The following CLYBL variants were observed in gnomAD, a reference collection of about 807,000 sequenced individuals.
CLYBL encodes citramalyl-CoA lyase, mitochondrial.
Under a neutral mutation model 38.9 loss-of-function variants are expected in CLYBL, and 31 were observed. That is an observed-to-expected ratio of 0.80 (90% CI 0.60 to 1.08). CLYBL has a LOEUF of 1.08. Ranked by LOEUF, CLYBL falls within the 50% of genes least tolerant of loss-of-function variation. The probability of loss-of-function intolerance (pLI) is 0.00; values close to 1 mark genes in which losing one functional copy is unlikely to be tolerated. For synonymous variants in CLYBL, 171 were observed against 158.6 expected (o/e 1.08, Z -0.59); for missense variants, 434 against 411.6 (o/e 1.05, Z -0.47).
chr13:99,864,705 T>C, intron 4 of CLYBL, 113 bp from the exon 5 acceptor site: 1 of 728,674 alleles, frequency 1.4e-6, no homozygotes, highest in East Asian at 2.5e-5. Context: ...TTAGGACTGC[T>C]TTCAGCCAAA....
At chr13:99,838,703 T>C (rs1170377980) in intron 2 of CLYBL, among the ~76,000 whole-genome samples, 1 of 152,226 alleles carries the variant, frequency 6.6e-6, no homozygotes, top group Admixed American at 6.5e-5. Context: ...TGGCGCAATC[T>C]TGGCTCACTG....
chr13:99,881,199 G>A (rs2052199285), intron 7 of CLYBL, among the ~76,000 whole-genome samples: 2 of 152,216 alleles, frequency 1.3e-5, no homozygotes, highest in South Asian at 4.1e-4. Context: ...ATGTGAATTG[G>A]TGTCTGTGTT....
intron 2 of CLYBL, among the ~76,000 whole-genome samples, chr13:99,844,521 C>T (rs570360452): frequency 1.3e-5 from 2 of 152,330 alleles, no homozygotes; most frequent in Admixed American, 1.3e-4. Flanking sequence ...TGTTAGCTGC[C>T]TGCACATCAC....
chr13:99,815,801 C>T (rs1213892484), intron 2 of CLYBL, among the ~76,000 whole-genome samples: 1 of 152,108 alleles, frequency 6.6e-6, no homozygotes, highest in East Asian at 1.9e-4. Context: ...CACTTGAACC[C>T]AAGAGGCAGA....
intron 1 of CLYBL, among the ~76,000 whole-genome samples, chr13:99,641,193 G>C (rs2047087895): frequency 1.3e-5 from 2 of 152,128 alleles, no homozygotes; most frequent in African/African-American, 4.8e-5. Flanking sequence ...CAACCTCAAT[G>C]ATATAAGTTT....
chr13:99,841,469 A>G (rs1258438878), intron 2 of CLYBL, among the ~76,000 whole-genome samples: 2 of 152,044 alleles, frequency 1.3e-5, no homozygotes, highest in Admixed American at 6.5e-5. Context: ...GTGTAGTCTC[A>G]GCTCACTGCA....
At chr13:99,793,455 C>A (rs900365183) in intron 2 of CLYBL, among the ~76,000 whole-genome samples, 1 of 151,982 alleles carries the variant, frequency 6.6e-6, no homozygotes, top group African/African-American at 2.4e-5. Flanking sequence ...TCTTTTTGAT[C>A]CTTAAAGGTT....
chr13:99,893,034 A>G (rs1485982068), downstream of CLYBL: 3 of 152,308 alleles, frequency 2.0e-5, no homozygotes, highest in Non-Finnish European at 4.4e-5. Flanking sequence ...TTTCTCAAAC[A>G]CAGGATCCAG....
At chr13:99,747,942 A>G (rs1187008561) in intron 1 of CLYBL, among the ~76,000 whole-genome samples, 1 of 152,170 alleles carries the variant, frequency 6.6e-6, no homozygotes, top group Non-Finnish European at 1.5e-5. Context: ...AATTGTGGTA[A>G]AATATACATA....
At chr13:99,760,309 C>A (rs1018768467) in intron 1 of CLYBL, among the ~76,000 whole-genome samples, 5 of 152,196 alleles carry the variant, frequency 3.3e-5, no homozygotes, top group Non-Finnish European at 7.3e-5. Flanking sequence ...CTGTTCTCAA[C>A]TTCATTATCA....
intron 2 of CLYBL, among the ~76,000 whole-genome samples, chr13:99,814,626 G>T (rs2050406336): frequency 6.6e-6 from 1 of 151,990 alleles, no homozygotes; most frequent in Admixed American, 6.6e-5. Flanking sequence ...CACTTGGGAG[G>T]CTGAGACAGG....
At chr13:99,644,747 C>T (rs904621251) in intron 1 of CLYBL, among the ~76,000 whole-genome samples, 1 of 152,200 alleles carries the variant, frequency 6.6e-6, no homozygotes, top group Admixed American at 6.5e-5. Context: ...TCAGCTCCCA[C>T]AAGTGAGTGA....
chr13:99,826,029 C>A (rs1458914643), intron 2 of CLYBL, among the ~76,000 whole-genome samples: 1 of 152,144 alleles, frequency 6.6e-6, no homozygotes, highest in Non-Finnish European at 1.5e-5. Flanking sequence ...AGGGAGAAGG[C>A]CAGACTCTTC....
At chr13:99,623,498 A>T (rs2046826332) in intron 1 of CLYBL, among the ~76,000 whole-genome samples, 1 of 152,130 alleles carries the variant, frequency 6.6e-6, no homozygotes, top group African/African-American at 2.4e-5. Context: ...CACTCAGTCC[A>T]CTTACCGAGC....
intron 1 of CLYBL, among the ~76,000 whole-genome samples, chr13:99,645,357 G>C (rs2047161727): frequency 6.6e-6 from 1 of 152,078 alleles, no homozygotes; most frequent in African/African-American, 2.4e-5. Context: ...ACTTAGCTGG[G>C]CGTGGTGGCG....
chr13:99,608,664 C>T (rs2046571548), intron 1 of CLYBL, among the ~76,000 whole-genome samples: 3 of 152,038 alleles, frequency 2.0e-5, no homozygotes. Context: ...ACTCAGTGCT[C>T]CTCACCCGCC....
intron 2 of CLYBL, among the ~76,000 whole-genome samples, chr13:99,841,706 A>G (rs1035539500): frequency 6.6e-5 from 10 of 151,722 alleles, no homozygotes; most frequent in Non-Finnish European, 1.2e-4. Context: ...GGCCACACAC[A>G]TTACTTTAAG....
intron 2 of CLYBL, among the ~76,000 whole-genome samples, chr13:99,847,516 G>C (rs2051233531): frequency 6.6e-6 from 1 of 152,154 alleles, no homozygotes; most frequent in African/African-American, 2.4e-5. Context: ...CAGTCGGTTG[G>C]GGAAGGCAGC....
At chr13:99,764,771 G>A (rs2049234577) in intron 1 of CLYBL, among the ~76,000 whole-genome samples, 1 of 151,830 alleles carries the variant, frequency 6.6e-6, no homozygotes. Flanking sequence ...TGAACTCGTG[G>A]GCTGAAGCAA....
Sources: allele counts gnomAD v4.1 joint callset (sites outside exome capture counted in the v4.1 genomes callset), GRCh38; gene constraint gnomAD v4.1.1; transcripts MANE v1.5; gene names NCBI Gene and HGNC (gene_info 2026-07-23, HGNC 2026-07-21).